The following STK39 variants were observed in gnomAD, a reference collection of about 807,000 sequenced individuals.
The protein encoded by STK39 is serine/threonine kinase 39, also known as STE20/SPS1-related proline-alanine-rich protein kinase.
A neutral mutation model predicts 77.8 loss-of-function variants in STK39; 20 were observed. The ratio of observed to expected loss-of-function variants is 0.26; its 90% CI spans 0.18 to 0.37. The LOEUF is 0.37. Ranked by LOEUF, STK39 falls within the 10% of genes least tolerant of loss-of-function variation. The pLI, the probability that STK39 is intolerant of heterozygous loss-of-function variation, is 1.00. For synonymous variants in STK39, 246 were observed against 234.1 expected (o/e 1.05, Z -0.47); for missense variants, 479 against 656.5 (o/e 0.73, Z 2.95).
At position 168,139,238 on chromosome 2, in the gene STK39, A is replaced by G. The variant is rs562582425; in HGVS notation, c.841-1017T>C. ...AGAGGCAAAAGAAAGAAAATGAAGAAAGAAAAACTGAATAAAAGAAAAAAT... is the reference window on the plus strand; with the variant it reads ...AGAGGCAAAAGAAAGAAAATGAAGAGAGAAAAACTGAATAAAAGAAAAAAT... On this transcript the variant is annotated intron_variant, in intron 7 of 17. Coordinates refer to ENST00000355999, the MANE Select transcript of STK39 (RefSeq NM_013233.3). Among the ~76,000 whole-genome samples, 37 of 152,234 alleles carry G rather than the reference A, an allele frequency of 2.4e-4. No homozygotes were observed. The South Asian group carries it at 7.7e-3, about 32-fold the overall frequency.
chr2:168,106,748 G>A (rs1686984315), intron 10 of STK39, among the ~76,000 whole-genome samples: 1 of 152,114 alleles, frequency 6.6e-6, no homozygotes, highest in Non-Finnish European at 1.5e-5. Context: ...TTTGAGCCCA[G>A]GAAGTCAAGG....
At chr2:168,224,208 AAAC>A (rs1302749545) in intron 1 of STK39, among the ~76,000 whole-genome samples, 5 of 152,110 alleles carry the variant, frequency 3.3e-5, no homozygotes, top group Admixed American at 2.6e-4. Flanking sequence ...CTAAAAAAAC[AAAC>A]AACAAAAAAA....
In STK39 at chr2:168,100,121, T is replaced by C. The variant is rs1686782053; in HGVS notation, c.1090-24890A>G. Among the ~76,000 whole-genome samples, 4 of 152,236 alleles carry C rather than the reference T, an allele frequency of 2.6e-5. No individual in the cohort carries two copies. In the South Asian group the frequency reaches 8.3e-4, roughly 31 times the overall value. On this transcript the variant is annotated intron_variant, in intron 10 of 17. Transcript: ENST00000355999. ...CCACGAATCAATTTTTCATACAGTT[T>C]ATCATGGCTAATTACAAGTTTTGCA...
At chr2:167,972,831 T>C (rs972331315) in intron 16 of STK39, among the ~76,000 whole-genome samples, 2 of 152,082 alleles carry the variant, frequency 1.3e-5, no homozygotes, top group African/African-American at 4.8e-5. Flanking sequence ...CCCCAGGAAT[T>C]AGATATGGAT....
At chr2:168,099,374 C>T (rs887927416) in intron 10 of STK39, among the ~76,000 whole-genome samples, 11 of 152,188 alleles carry the variant, frequency 7.2e-5, no homozygotes, top group Non-Finnish European at 8.8e-5. Flanking sequence ...GAAGAGTTAA[C>T]TTCTTTGTTA....
At chr2:168,001,619 A>C (rs1325776376) in intron 16 of STK39, among the ~76,000 whole-genome samples, 2 of 152,232 alleles carry the variant, frequency 1.3e-5, no homozygotes, top group Admixed American at 6.5e-5. Flanking sequence ...CAATGAATAA[A>C]AAATATATGG....
chr2:167,982,778 T>A (rs1683454116), intron 16 of STK39, among the ~76,000 whole-genome samples: 1 of 152,192 alleles, frequency 6.6e-6, no homozygotes, highest in Non-Finnish European at 1.5e-5. Context: ...AAGCTGCTAT[T>A]TTCCCCCCAC....
chr2:168,205,677 G>A (rs938507333), intron 1 of STK39, among the ~76,000 whole-genome samples: 11 of 151,880 alleles, frequency 7.2e-5, no homozygotes, highest in Admixed American at 7.2e-4. Context: ...AAATTAGCCG[G>A]GTGTGGTGGC....
intron 1 of STK39, among the ~76,000 whole-genome samples, chr2:168,199,569 C>T (rs1035861194): frequency 2.0e-4 from 30 of 151,534 alleles, no homozygotes; most frequent in African/African-American, 6.8e-4. Context: ...GCTCTGTTGC[C>T]GAGACTGGAG....
At chr2:168,100,639 C>A (rs1686799089) in intron 10 of STK39, among the ~76,000 whole-genome samples, 1 of 152,132 alleles carries the variant, frequency 6.6e-6, no homozygotes, top group African/African-American at 2.4e-5. Context: ...AGGCAACCTA[C>A]AGAATGGGAG....
At chr2:168,087,528 C>T (rs985928397) in intron 10 of STK39, among the ~76,000 whole-genome samples, 3 of 152,260 alleles carry the variant, frequency 2.0e-5, no homozygotes, top group Admixed American at 6.5e-5. Flanking sequence ...GCTAAGGCTT[C>T]TCTGAAGAAA....
At chr2:168,155,692 G>A (rs192290504) in intron 5 of STK39, among the ~76,000 whole-genome samples, 1 of 152,248 alleles carries the variant, frequency 6.6e-6, no homozygotes, top group Non-Finnish European at 1.5e-5. Flanking sequence ...GGCTAGGGCA[G>A]TGCTTGTCCA....
chr2:168,015,035 G>A (rs1051784786), intron 15 of STK39, among the ~76,000 whole-genome samples: 2 of 152,188 alleles, frequency 1.3e-5, no homozygotes, highest in African/African-American at 2.4e-5. Flanking sequence ...ATATCTGCGT[G>A]CGTGCCATTA....
At chr2:168,034,181 T>C (rs763277096) in intron 14 of STK39, among the ~76,000 whole-genome samples, 2 of 152,172 alleles carry the variant, frequency 1.3e-5, no homozygotes, top group African/African-American at 2.4e-5. Flanking sequence ...CGGCCCAGCA[T>C]TGCTTGAGTA....
chr2:168,243,876 T>C (rs929362451), intron 1 of STK39, among the ~76,000 whole-genome samples: 2 of 152,198 alleles, frequency 1.3e-5, no homozygotes, highest in Non-Finnish European at 2.9e-5. Context: ...CTTATACTTC[T>C]AAAGGTAGGG....
At chr2:168,174,871 C>T (rs1353872013) in intron 2 of STK39, among the ~76,000 whole-genome samples, 1 of 144,656 alleles carries the variant, frequency 6.9e-6, no homozygotes, top group African/African-American at 2.6e-5. Flanking sequence ...AAACCAGAAA[C>T]AGAAACAGGA....
At chr2:168,033,392 G>A (rs1283908097) in intron 14 of STK39, among the ~76,000 whole-genome samples, 3 of 152,154 alleles carry the variant, frequency 2.0e-5, no homozygotes, top group Non-Finnish European at 4.4e-5. Flanking sequence ...TTCCGGCTAC[G>A]AAACTATTCC....
intron 16 of STK39, among the ~76,000 whole-genome samples, chr2:167,970,529 G>C (rs973510228): frequency 1.3e-5 from 2 of 152,196 alleles, no homozygotes; most frequent in African/African-American, 4.8e-5. Context: ...CCCAAATTGA[G>C]ACTCTCTGAA....
chr2:168,147,603 A>G (rs1438520984), intron 5 of STK39, among the ~76,000 whole-genome samples: 1 of 152,072 alleles, frequency 6.6e-6, no homozygotes, highest in East Asian at 1.9e-4. Flanking sequence ...GGTGTGCACA[A>G]TTGTGTACAT....
Sources: gnomAD v4.1 joint callset for allele counts (sites outside exome capture counted in the v4.1 genomes callset) on GRCh38, gnomAD v4.1.1 for gene constraint, MANE v1.5 for transcripts, NCBI Gene and HGNC (gene_info 2026-07-23, HGNC 2026-07-21) for gene names.